Variants in CFAP47 observed in about 807,000 individuals in gnomAD.
CFAP47 encodes cilia- and flagella-associated protein 47.
CFAP47 carries 29 observed loss-of-function variants against 148.1 expected under a neutral mutation model. The observed-to-expected ratio is 0.20, with a 90% CI of 0.15 to 0.27. The LOEUF (loss-of-function observed/expected upper bound fraction) is 0.27, where lower values mean the gene tolerates loss of function less well. Among genes scored for constraint, CFAP47 ranks in the 10% least tolerant of loss-of-function variants. CFAP47 has a pLI of 1.00. For missense variants in CFAP47, 1,872 were observed against 1,697.5 expected (o/e 1.10, Z -1.81); for synonymous variants, 664 against 577.3 (o/e 1.15, Z -2.15).
intron 49 of CFAP47, among the ~76,000 whole-genome samples, chrX:36,263,284 T>C (rs781808759): frequency 8.9e-6 from 1 of 112,212 alleles, no homozygotes. Flanking sequence ...CTCCATCGTA[T>C]GTTATTTGTT....
chrX:36,182,366 T>G (rs2146869255), intron 40 of CFAP47, among the ~76,000 whole-genome samples: 1 of 111,596 alleles, frequency 9.0e-6, no homozygotes, highest in African/African-American at 3.3e-5. Context: ...GGAAAATGAT[T>G]ATTGGGGTAA....
At chrX:36,143,717 G>T (rs1228935625) in intron 35 of CFAP47, among the ~76,000 whole-genome samples, 1 of 111,465 alleles carries the variant, frequency 9.0e-6, no homozygotes, top group East Asian at 2.8e-4. Context: ...TATGTTTATT[G>T]TCCTGATACC....
intron 35 of CFAP47, 83 bp downstream of exon 35, chrX:36,138,547 C>A: frequency 2.0e-6 from 2 of 989,980 alleles, no homozygotes; most frequent in Non-Finnish European, 2.6e-6. Context: ...TTGCTTTGTT[C>A]ATATTTTTGA....
chrX:35,921,908 A>G (rs1422719247), intron 1 of CFAP47, among the ~76,000 whole-genome samples: 1 of 111,929 alleles, frequency 8.9e-6, no homozygotes, highest in African/African-American at 3.2e-5. Context: ...ACCCAGACTC[A>G]AGAACCTGCA....
At chrX:36,232,032 T>A (rs1555992828) in intron 46 of CFAP47, among the ~76,000 whole-genome samples, 1 of 111,412 alleles carries the variant, frequency 9.0e-6, no homozygotes, top group East Asian at 2.8e-4. Context: ...TTATTGAGGA[T>A]TTTTGCATCA....
intron 27 of CFAP47, among the ~76,000 whole-genome samples, chrX:36,066,729 G>T (rs769624875): frequency 8.1e-5 from 9 of 111,597 alleles, no homozygotes; most frequent in Non-Finnish European, 1.5e-4. Context: ...GAAGACAGTA[G>T]AAAGGAGAAA....
intron 51 of CFAP47, 133 bp from the exon 52 acceptor site, chrX:36,298,844 A>G (rs1390869299): frequency 5.2e-6 from 2 of 387,176 alleles, no homozygotes; most frequent in East Asian, 4.1e-5. Flanking sequence ...GATATATTCA[A>G]TAGTGTATCA....
At position 36,045,663 on chromosome X, in the gene CFAP47, A is replaced by G. The variant is rs773053581; in HGVS notation, c.4008-1191A>G. On this transcript the variant is annotated intron_variant, in intron 25 of 63. Coordinates refer to ENST00000378653, the MANE Select transcript of CFAP47 (RefSeq NM_001304548.2). The stretch of plus-strand genomic sequence containing the variant: ...GGATTTGCAGTTCCTTTAAGACCTT[A>G]TCTTATAAATAGACACTAACCTTTG... 2.7e-5 allele frequency among the ~76,000 whole-genome samples: 3 copies of G among 112,389 alleles called. 1 individual carries two copies. The South Asian group carries it at 1.1e-3, about 41-fold the overall frequency.
intron 61 of CFAP47, among the ~76,000 whole-genome samples, chrX:36,364,298 A>G (rs1395859317): frequency 9.0e-6 from 1 of 110,777 alleles, no homozygotes. Context: ...GTTCATTTGA[A>G]CCTGTACATT....
At chrX:36,163,944 T>C (rs1333746439) in intron 39 of CFAP47, among the ~76,000 whole-genome samples, 1 of 112,376 alleles carries the variant, frequency 8.9e-6, no homozygotes, top group Non-Finnish European at 1.9e-5. Flanking sequence ...TTTTATTTCT[T>C]GCTAACCCAC....
At chrX:36,009,745 G>T (rs1245325669) in intron 21 of CFAP47, among the ~76,000 whole-genome samples, 1 of 111,858 alleles carries the variant, frequency 8.9e-6, no homozygotes, top group Admixed American at 9.5e-5. Context: ...CAAGTGTTTT[G>T]CCTATTAGGG....
chrX:35,967,081 A>G (rs1489117422), intron 9 of CFAP47, among the ~76,000 whole-genome samples: 1 of 111,181 alleles, frequency 9.0e-6, no homozygotes, highest in Non-Finnish European at 1.9e-5. Flanking sequence ...CATTTTTACA[A>G]TGTTCCCAGT....
intron 27 of CFAP47, among the ~76,000 whole-genome samples, chrX:36,066,987 A>G (rs1320006842): frequency 6.2e-5 from 7 of 112,051 alleles, no homozygotes; most frequent in African/African-American, 2.3e-4. Context: ...TAACTAAACT[A>G]CTGAGCACAG....
At chrX:36,298,664 C>G (rs1941268482) in intron 51 of CFAP47, among the ~76,000 whole-genome samples, 1 of 110,852 alleles carries the variant, frequency 9.0e-6, no homozygotes, top group Admixed American at 9.6e-5. Context: ...AAATGGACCT[C>G]ATAGAAATAA....
intron 40 of CFAP47, among the ~76,000 whole-genome samples, chrX:36,180,372 G>A (rs1939736801): frequency 8.9e-6 from 1 of 111,986 alleles, no homozygotes; most frequent in Non-Finnish European, 1.9e-5. Context: ...AGAAAATAAT[G>A]TAGATGTCTA....
At chrX:36,283,951 T>C (rs782766667) in intron 50 of CFAP47, among the ~76,000 whole-genome samples, 2 of 112,101 alleles carry the variant, frequency 1.8e-5, no homozygotes, top group Non-Finnish European at 3.8e-5. Context: ...TCATAGCTAC[T>C]GTTTATTTCC....
intron 21 of CFAP47, among the ~76,000 whole-genome samples, chrX:36,010,370 G>T (rs1046275521): frequency 1.8e-5 from 2 of 110,159 alleles, no homozygotes; most frequent in African/African-American, 6.6e-5. Flanking sequence ...TTTTTTATAT[G>T]GTTGATAGTA....
chrX:36,224,648 A>T (rs1301907923), intron 45 of CFAP47, among the ~76,000 whole-genome samples: 23 of 111,574 alleles, frequency 2.1e-4, no homozygotes, highest in African/African-American at 7.2e-4. Context: ...GGCTCATCTC[A>T]TACAGGATTT....
chrX:35,957,936 T>A (rs915979929), intron 8 of CFAP47, among the ~76,000 whole-genome samples: 3 of 111,507 alleles, frequency 2.7e-5, no homozygotes, highest in Non-Finnish European at 5.6e-5. Flanking sequence ...AAGTATACAA[T>A]TCAGTGATAT....
Sources: allele counts gnomAD v4.1 joint callset (sites outside exome capture counted in the v4.1 genomes callset), GRCh38; gene constraint gnomAD v4.1.1; transcripts MANE v1.5; gene names NCBI Gene and HGNC (gene_info 2026-07-23, HGNC 2026-07-21).